The following KCND3 variants were observed in gnomAD, a reference collection of about 807,000 sequenced individuals.
The protein encoded by KCND3 is potassium voltage-gated channel subfamily D member 3.
In KCND3, 9 loss-of-function variants were observed where a neutral mutation model predicts 51.1. The ratio of observed to expected loss-of-function variants is 0.18; its 90% CI spans 0.11 to 0.31. KCND3 has a LOEUF of 0.31. Ranked by LOEUF, KCND3 falls within the 10% of genes least tolerant of loss-of-function variation. The pLI is 1.00. For synonymous variants in KCND3, 349 were observed against 368.0 expected, an observed-to-expected ratio of 0.95 and a Z score of 0.59; for missense variants, 526 against 903.8, an observed-to-expected ratio of 0.58 and a Z score of 5.36.
At chr1:111,912,313 T>G (rs143054478) in intron 2 of KCND3, among the ~76,000 whole-genome samples, 3 of 152,366 alleles carry the variant, frequency 2.0e-5, no homozygotes, top group Non-Finnish European at 4.4e-5. Context: ...ATCATAGTCA[T>G]CTTAACACTG....
rs143647571 is a variant in KCND3 at position 111,922,948 on chromosome 1, G to C, written c.1106+58673C>G. ...TGGCCCTGCCTTAAGGCTAATGTCT[G>C]GGGGTAAACCAGGCACACACATTCA... On this transcript the variant is annotated intron_variant, in intron 2 of 7. Transcript: ENST00000302127. Among the ~76,000 whole-genome samples the C allele has an allele frequency of 2.4e-3, 362 of 152,290 alleles. 3 individuals carry two copies. Among genetic ancestry groups the C allele is most frequent in the African/African-American group, 8.5e-3 (352 of 41,558 alleles).
chr1:111,933,307 T>A (rs749942673), intron 2 of KCND3, among the ~76,000 whole-genome samples: 1 of 152,180 alleles, frequency 6.6e-6, no homozygotes, highest in Non-Finnish European at 1.5e-5. Context: ...TGAGGTTGGA[T>A]TAATACAAGT....
chr1:111,812,233 TGG>T (rs921378449), intron 2 of KCND3, among the ~76,000 whole-genome samples: 5 of 152,132 alleles, frequency 3.3e-5, no homozygotes, highest in African/African-American at 1.2e-4. Flanking sequence ...GCTCCACTGG[TGG>T]GTCTGGAGGA....
chr1:111,809,459 C>G (rs1462144198), intron 2 of KCND3, among the ~76,000 whole-genome samples: 2 of 152,042 alleles, frequency 1.3e-5, no homozygotes, highest in African/African-American at 4.8e-5. Flanking sequence ...CAGGCGCCCA[C>G]CACCACACCC....
intron 2 of KCND3, among the ~76,000 whole-genome samples, chr1:111,965,438 C>CCACACACACACA (rs56156826): frequency 0.082 from 5,946 of 72,106 alleles, 830 homozygotes; most frequent in Middle Eastern, 0.11. Flanking sequence ...GCCAGCAAAA[C>CCACACACACACA]CACACACACA....
At chr1:111,942,010 A>G (rs555230977) in intron 2 of KCND3, among the ~76,000 whole-genome samples, 5 of 152,104 alleles carry the variant, frequency 3.3e-5, no homozygotes, top group African/African-American at 7.2e-5. Context: ...CCTGCAATCT[A>G]TCAGCTTATC....
chr1:111,834,528 A>G (rs1349268782), intron 2 of KCND3, among the ~76,000 whole-genome samples: 1 of 152,186 alleles, frequency 6.6e-6, no homozygotes, highest in Non-Finnish European at 1.5e-5. Context: ...CTTGGAAAGG[A>G]GTTTAGAGAT....
At chr1:111,928,027 C>G (rs1671791311) in intron 2 of KCND3, among the ~76,000 whole-genome samples, 1 of 152,216 alleles carries the variant, frequency 6.6e-6, no homozygotes, top group South Asian at 2.1e-4. Flanking sequence ...AGGCCCCTGC[C>G]ACTCTCCATG....
At chr1:111,812,856 C>A (rs1665918204) in intron 2 of KCND3, among the ~76,000 whole-genome samples, 1 of 152,190 alleles carries the variant, frequency 6.6e-6, no homozygotes, top group South Asian at 2.1e-4. Flanking sequence ...ACTGCTGTCC[C>A]ATCCCTCGGA....
chr1:111,842,428 C>T (rs1667366584), intron 2 of KCND3, among the ~76,000 whole-genome samples: 1 of 152,216 alleles, frequency 6.6e-6, no homozygotes, highest in Non-Finnish European at 1.5e-5. Flanking sequence ...GTGCCACTCT[C>T]CCTGGAGAGG....
At chr1:111,857,859 C>A (rs941941827) in intron 2 of KCND3, among the ~76,000 whole-genome samples, 2 of 151,782 alleles carry the variant, frequency 1.3e-5, no homozygotes, top group Non-Finnish European at 2.9e-5. Flanking sequence ...ACTTTTTTTG[C>A]AATCTAGAAT....
intron 2 of KCND3, among the ~76,000 whole-genome samples, chr1:111,869,967 T>C (rs575338846): frequency 1.3e-5 from 2 of 152,252 alleles, no homozygotes; most frequent in African/African-American, 4.8e-5. Flanking sequence ...TTGTATCAAA[T>C]AAATATCAAG....
chr1:111,877,733 G>A (rs927866069), intron 2 of KCND3, among the ~76,000 whole-genome samples: 1 of 152,194 alleles, frequency 6.6e-6, no homozygotes, highest in African/African-American at 2.4e-5. Context: ...ATGTAGCAGG[G>A]GCAGAGGGAT....
rs150558327 is a variant in KCND3, at chr1:111,908,074, C to T, written c.1106+73547G>A. ...TCCCAATGCCGACATAACAGCTTTACTTGCGTTGTTCCTCTTCCCTTGGTT... is the reference window on the plus strand; with the variant it reads ...TCCCAATGCCGACATAACAGCTTTATTTGCGTTGTTCCTCTTCCCTTGGTT... On this transcript the variant is annotated intron_variant, in intron 2 of 7. Transcript: ENST00000302127. Among the ~76,000 whole-genome samples, 6 of 152,336 alleles carry T rather than the reference C, an allele frequency of 3.9e-5. No homozygotes were observed. The East Asian group carries it at 1.2e-3, about 29-fold the overall frequency.
At chr1:111,939,434 A>G (rs1306137220) in intron 2 of KCND3, among the ~76,000 whole-genome samples, 1 of 151,714 alleles carries the variant, frequency 6.6e-6, no homozygotes, top group Non-Finnish European at 1.5e-5. Flanking sequence ...CTGTGCCCAT[A>G]TGTTCTCATT....
intron 2 of KCND3, among the ~76,000 whole-genome samples, chr1:111,814,762 T>C (rs560365399): frequency 3.7e-4 from 57 of 152,356 alleles, no homozygotes; most frequent in African/African-American, 1.3e-3. Flanking sequence ...GTCTGGCTTG[T>C]GCAGGGGACA....
chr1:111,889,848 T>C (rs1669748090), intron 2 of KCND3, among the ~76,000 whole-genome samples: 2 of 152,016 alleles, frequency 1.3e-5, no homozygotes, highest in Admixed American at 6.5e-5. Flanking sequence ...CCTGGGGAAG[T>C]CAGGGTAGCT....
At chr1:111,794,883 G>C (rs1014782603) in intron 2 of KCND3, among the ~76,000 whole-genome samples, 2 of 152,110 alleles carry the variant, frequency 1.3e-5, no homozygotes, top group Non-Finnish European at 2.9e-5. Context: ...TAAGTAATAC[G>C]CCCAAGGTCA....
chr1:111,984,290 G>A (rs1675140791), intron 1 of KCND3, among the ~76,000 whole-genome samples: 2 of 152,110 alleles, frequency 1.3e-5, no homozygotes, highest in African/African-American at 4.8e-5. Context: ...TCAAACTCCT[G>A]AGCTGCCACT....
Sources: allele counts gnomAD v4.1 joint callset (sites outside exome capture counted in the v4.1 genomes callset), GRCh38; gene constraint gnomAD v4.1.1; transcripts MANE v1.5; gene names NCBI Gene and HGNC (gene_info 2026-07-23, HGNC 2026-07-21).